PDHA2: variants seen among roughly 807,000 people sequenced by gnomAD.
PDHA2 encodes the protein pyruvate dehydrogenase E1 component subunit alpha, testis-specific form, mitochondrial.
For missense variants in PDHA2, 533 were observed against 495.8 expected, an observed-to-expected ratio of 1.07 and a Z score of -0.71; for synonymous variants, 188 against 185.9, an observed-to-expected ratio of 1.01 and a Z score of -0.09.
At position 95,841,207 on chromosome 4, in the gene PDHA2, ACT is replaced by A. The variant is rs757275705; in HGVS notation, c.1058_1059del (p.Thr353ArgfsTer3). On this transcript the variant is annotated frameshift_variant, in exon 1 of 1. Coordinates refer to ENST00000295266, the MANE Select transcript of PDHA2 (RefSeq NM_005390.5). LOFTEE classifies it low-confidence loss of function (END_TRUNC). The part of the protein sequence containing the change: ...EIDDAAQFAT[T>X]DPEPHLEELG... ...TGATGATGCTGCCCAGTTTGCTACC[ACT>A]GATCCTGAGCCACATTTGGAAGAAT... 12 of 1,614,066 alleles carry A rather than the reference ACT, an allele frequency of 7.4e-6. No individual in the cohort carries two copies. Among genetic ancestry groups the A allele is most frequent in the Admixed American group, 1.7e-5 (1 of 60,002 alleles).
Position 95,840,364 on chromosome 4 carries a change from A to T in PDHA2, c.214A>T (p.Met72Leu), listed in dbSNP as rs201956422. 7 of 1,614,216 alleles carry T rather than the reference A, an allele frequency of 4.3e-6. No homozygotes were observed. The highest frequency in any genetic ancestry group is 4.0e-5 in the African/African-American group (3 of 75,050). The change falls in exon 1 of 1, where the codon ATG becomes TTG. Residue 72 changes from methionine (M) to leucine (L), a missense_variant. Transcript: ENST00000295266. Reference protein sequence around the residue: ...YYRMMLTVRRMELKADQLYKQ... With the variant: ...YYRMMLTVRRLELKADQLYKQ... ...CAGGATGATGCTGACTGTTCGCCGC[A>T]TGGAATTGAAGGCAGATCAGCTGTA... is the stretch of plus-strand genomic sequence containing the variant.
chr4:95,840,181 A>G lies in PDHA2; in HGVS notation c.31A>G (p.Arg11Gly), dbSNP rs1308763690. ...GGCCGCCTTCATCTCCCGCGTGTTG[A>G]GGCGAGTTGCCCAGAAATCAGCTCG... MLAAFISRVL[R>G]RVAQKSARRV... Residue 11 changes from arginine to glycine, a missense_variant, in exon 1 of 1, where the codon AGG becomes GGG. By Grantham distance (125) the Arg-to-Gly change is moderately radical. Coordinates refer to ENST00000295266, the MANE Select transcript of PDHA2 (RefSeq NM_005390.5). 1.2e-6 allele frequency: 2 copies of G among 1,613,614 alleles called. No individual in the cohort carries two copies. Among genetic ancestry groups the G allele is most frequent in the Non-Finnish European group, 8.5e-7 (1 of 1,179,790 alleles).
chr4:95,840,227 G>A lies in PDHA2; in HGVS notation c.77G>A (p.Arg26His), dbSNP rs1376256859. Residue 26 changes from arginine (R) to histidine (H), a missense_variant, in exon 1 of 1, where the codon CGT becomes CAT. By Grantham distance (29) the Arg-to-His change is conservative. Coordinates refer to ENST00000295266, the MANE Select transcript of PDHA2 (RefSeq NM_005390.5). ...GCTCGCAGAGTGCTGGTGGCATCCC[G>A]TAACTCCTCAAATGACGCTACATTT... ...KSARRVLVAS[R>H]NSSNDATFEI... 5 of 1,614,080 alleles carry A rather than the reference G, an allele frequency of 3.1e-6. No individual in the cohort carries two copies. The African/African-American group carries it at 4.0e-5, about 13-fold the overall frequency.
Position 95,840,811 on chromosome 4 carries a change from G to A in PDHA2, c.661G>A (p.Glu221Lys). 1 of 1,614,156 alleles carries A rather than the reference G, an allele frequency of 6.2e-7. No homozygotes were observed. The highest frequency in any genetic ancestry group is 1.1e-5 in the South Asian group (1 of 91,086). The change falls in exon 1 of 1, where the codon GAG becomes AAG. Residue 221 changes from glutamate (E) to lysine (K), a missense_variant. Transcript: ENST00000295266. Reference sequence around the variant, plus strand: ...GAAATTACCTTGTGTTTTCATCTGTGAGAATAACCTATATGGAATGGGAAC... The same window carrying A: ...GAAATTACCTTGTGTTTTCATCTGTAAGAATAACCTATATGGAATGGGAAC... ...LWKLPCVFIC[E>K]NNLYGMGTST...
chr4:95,840,678 T>C lies in PDHA2; in HGVS notation c.528T>C (p.Ala176=). ...AGGGCCCCCTGGGCGCTGGCATTGC[T>C]CTGGCCTGTAAATATAAAGGAAACG... ...GAQGPLGAGI[A]LACKYKGNDE... Residue 176 remains alanine, a synonymous_variant, in exon 1 of 1, where the codon GCT becomes GCC. Transcript: ENST00000295266. 1 of 1,614,214 alleles carries C rather than the reference T, an allele frequency of 6.2e-7. No individual in the cohort carries two copies. Among genetic ancestry groups the C allele is most frequent in the Non-Finnish European group, 8.5e-7 (1 of 1,180,040 alleles).
In PDHA2 at chr4:95,840,249, A is replaced by G. The variant is rs779577606; in HGVS notation, c.99A>G (p.Thr33=). 1.9e-6 allele frequency: 3 copies of G among 1,614,214 alleles called. No individual in the cohort carries two copies. Among genetic ancestry groups the G allele is most frequent in the Non-Finnish European group, 2.5e-6 (3 of 1,180,058 alleles). The change falls in exon 1 of 1, where the codon ACA becomes ACG. Residue 33 remains threonine, a synonymous_variant. Transcript: ENST00000295266. ...VASRNSSNDA[T]FEIKKCDLYL... ...CCCGTAACTCCTCAAATGACGCTACATTTGAAATTAAGAAATGTGATCTTT... is the reference window on the plus strand; with the variant it reads ...CCCGTAACTCCTCAAATGACGCTACGTTTGAAATTAAGAAATGTGATCTTT...
Position 95,841,026 on chromosome 4 carries a change from G to A in PDHA2, c.876G>A (p.Met292Ile). Reference sequence around the variant, plus strand: ...CCTACCGTTATCATGGACACAGTATGAGTGATCCTGGAGTCAGTTATCGTA... The same window carrying A: ...CCTACCGTTATCATGGACACAGTATAAGTGATCCTGGAGTCAGTTATCGTA... Reference protein sequence around the residue: ...LQTYRYHGHSMSDPGVSYRTR... With the variant: ...LQTYRYHGHSISDPGVSYRTR... The change falls in exon 1 of 1, where the codon ATG becomes ATA. Residue 292 changes from methionine to isoleucine, a missense_variant. Physicochemically the swap from Met to Ile is conservative, Grantham distance 10 (BLOSUM62 1). Coordinates refer to ENST00000295266, the MANE Select transcript of PDHA2 (RefSeq NM_005390.5). 1 of 1,614,152 alleles carries A rather than the reference G, an allele frequency of 6.2e-7. No homozygotes were observed. The highest frequency in any genetic ancestry group is 8.5e-7 in the Non-Finnish European group (1 of 1,180,038).
Position 95,840,656 on chromosome 4 carries a change from G to T in PDHA2, c.506G>T (p.Gly169Val), listed in dbSNP as rs369861495. 7.4e-6 allele frequency: 12 copies of T among 1,614,066 alleles called. No homozygotes were observed. The African/African-American group carries it at 1.3e-4, about 18-fold the overall frequency. Residue 169 changes from glycine to valine, a missense_variant, in exon 1 of 1, where the codon GGC (glycine) becomes GTC (valine). By Grantham distance (109) the Gly-to-Val change is moderately radical. Coordinates refer to ENST00000295266, the MANE Select transcript of PDHA2 (RefSeq NM_005390.5). ...YGGNGIVGAQGPLGAGIALAC... is the reference protein window; with the variant it reads ...YGGNGIVGAQVPLGAGIALAC... ...GGCAATGGCATCGTCGGTGCACAGG[G>T]CCCCCTGGGCGCTGGCATTGCTCTG...
At position 95,840,897 on chromosome 4, in the gene PDHA2, G is replaced by T; in HGVS notation, c.747G>T (p.Gly249=). The T allele has an allele frequency of 6.2e-7, 1 of 1,614,102 alleles. No homozygotes were observed. Among genetic ancestry groups the T allele is most frequent in the Non-Finnish European group, 8.5e-7 (1 of 1,180,016 alleles). The change falls in exon 1 of 1, where the codon GGG becomes GGT. Residue 249 remains glycine, a synonymous_variant. Coordinates refer to ENST00000295266, the MANE Select transcript of PDHA2 (RefSeq NM_005390.5). ...ACAAGAGGGGCAATTTTATCCCTGG[G>T]CTAAAGGTCGATGGAATGGATGTTC... The part of the protein sequence containing the change: ...DYYKRGNFIP[G]LKVDGMDVLC...
Position 95,840,379 on chromosome 4 carries a change from G to C in PDHA2, c.229G>C (p.Asp77His). The change falls in exon 1 of 1, where the codon GAT becomes CAT. Residue 77 changes from aspartate to histidine, a missense_variant. Coordinates refer to ENST00000295266, the MANE Select transcript of PDHA2 (RefSeq NM_005390.5). Reference sequence around the variant, plus strand: ...TGTTCGCCGCATGGAATTGAAGGCAGATCAGCTGTACAAACAGAAATTCAT... The same window carrying C: ...TGTTCGCCGCATGGAATTGAAGGCACATCAGCTGTACAAACAGAAATTCAT... The part of the protein sequence containing the change: ...LTVRRMELKA[D>H]QLYKQKFIRG... The C allele has an allele frequency of 2.5e-6, 4 of 1,614,260 alleles. No individual in the cohort carries two copies. Among genetic ancestry groups the C allele is most frequent in the Non-Finnish European group, 3.4e-6 (4 of 1,180,050 alleles).
chr4:95,841,159 G>A lies in PDHA2; in HGVS notation c.1009G>A (p.Gly337Arg). ...LATVEELKEI[G>R]AEVRKEIDDA... The stretch of plus-strand genomic sequence containing the variant: ...CACTGTGGAAGAATTAAAGGAAATT[G>A]GGGCTGAGGTGAGGAAAGAAATTGA... Residue 337 changes from glycine (G) to arginine (R), a missense_variant, in exon 1 of 1, where the codon GGG becomes AGG. Transcript: ENST00000295266. 2 of 1,614,092 alleles carry A rather than the reference G, an allele frequency of 1.2e-6. No individual in the cohort carries two copies. The highest frequency in any genetic ancestry group is 2.7e-5 in the African/African-American group (2 of 75,014).
chr4:95,840,108 C>G lies in PDHA2; in HGVS notation c.-43C>G, dbSNP rs766398474. The G allele has an allele frequency of 2.0e-6, 3 of 1,520,038 alleles. No homozygotes were observed. In the East Asian group the frequency reaches 6.9e-5, roughly 35 times the overall value. 94.2% of individuals were successfully genotyped at this position (1,520,038 alleles called of 1,614,324 possible). A position where few individuals can be genotyped will look rare whatever the true frequency, so the allele number is the denominator to read the frequency against. ...AGCCGAGGCCAGGCCTTCCGGCGGT[C>G]GTTACGGGACGCCGCTGCCATCTAC... On this transcript the variant is annotated 5_prime_UTR_variant, in exon 1 of 1. Transcript: ENST00000295266.
At position 95,841,376 on chromosome 4, in the gene PDHA2, T is replaced by A; in HGVS notation, c.*59T>A. 2 of 1,333,576 alleles carry A rather than the reference T, an allele frequency of 1.5e-6. No homozygotes were observed. The highest frequency in any genetic ancestry group is 2.1e-6 in the Non-Finnish European group (2 of 939,670). The allele number at this position is 1,333,576 out of a possible 1,614,324, so 82.6% of individuals were successfully genotyped here. A position where few individuals can be genotyped will look rare whatever the true frequency, so the allele number is the denominator to read the frequency against. On this transcript the variant is annotated 3_prime_UTR_variant, in exon 1 of 1. Transcript: ENST00000295266. ...TCAATGGAATGTTCATGGTCAAATT[T>A]AAGAAACTGTGTTCTCAACTCAAGG...
rs771142585 is a variant in PDHA2 at position 95,840,172 on chromosome 4, CGCGTGTTGAG to C, written c.26_35del (p.Val9GlufsTer54). On this transcript the variant is annotated frameshift_variant, in exon 1 of 1. Coordinates refer to ENST00000295266, the MANE Select transcript of PDHA2 (RefSeq NM_005390.5). LOFTEE classifies it low-confidence loss of function (END_TRUNC). ...GAATATGCTGGCCGCCTTCATCTCC[CGCGTGTTGAG>C]GCGAGTTGCCCAGAAATCAGCTCGC... 6.2e-7 allele frequency: 1 copy of C among 1,612,314 alleles called. No individual in the cohort carries two copies. The highest frequency in any genetic ancestry group is 2.2e-5 in the East Asian group (1 of 44,870).
chr4:95,840,971 G>T lies in PDHA2; in HGVS notation c.821G>T (p.Gly274Val), dbSNP rs766398355. The T allele has an allele frequency of 6.2e-7, 1 of 1,614,092 alleles. No individual in the cohort carries two copies. The highest frequency in any genetic ancestry group is 8.5e-7 in the Non-Finnish European group (1 of 1,180,030). The change falls in exon 1 of 1, where the codon GGA (glycine) becomes GTA (valine). Residue 274 changes from glycine (G) to valine (V), a missense_variant. By Grantham distance (109) the Gly-to-Val change is moderately radical. Coordinates refer to ENST00000295266, the MANE Select transcript of PDHA2 (RefSeq NM_005390.5). ...TTTGCAGCTAACTACTGTAGATCTGGAAAGGGGCCCATACTGATGGAGCTG... is the reference window on the plus strand; with the variant it reads ...TTTGCAGCTAACTACTGTAGATCTGTAAAGGGGCCCATACTGATGGAGCTG... ...TKFAANYCRS[G>V]KGPILMELQT...
Position 95,840,969 on chromosome 4 carries a change from T to C in PDHA2, c.819T>C (p.Ser273=). 6.2e-7 allele frequency: 1 copy of C among 1,614,072 alleles called. No individual in the cohort carries two copies. Among genetic ancestry groups the C allele is most frequent in the South Asian group, 1.1e-5 (1 of 91,086 alleles). The change falls in exon 1 of 1, where the codon TCT becomes TCC. Residue 273 remains serine (S), a synonymous_variant. Transcript: ENST00000295266. ...ATKFAANYCR[S]GKGPILMELQ... is the part of the protein sequence containing the mutation. Reference sequence around the variant, plus strand: ...AATTTGCAGCTAACTACTGTAGATCTGGAAAGGGGCCCATACTGATGGAGC... The same window carrying C: ...AATTTGCAGCTAACTACTGTAGATCCGGAAAGGGGCCCATACTGATGGAGC...
At position 95,840,861 on chromosome 4, in the gene PDHA2, C is replaced by G. The variant is rs144813590; in HGVS notation, c.711C>G (p.Ser237Arg). The G allele has an allele frequency of 2.5e-5, 41 of 1,613,936 alleles. No homozygotes were observed. The East Asian group carries it at 9.1e-4, about 36-fold the overall frequency. ...MGTSTERAAA[S>R]PDYYKRGNFI... ...CATCTACTGAGAGAGCAGCAGCCAG[C>G]CCTGATTACTACAAGAGGGGCAATT... The change falls in exon 1 of 1, where the codon AGC becomes AGG. Residue 237 changes from serine to arginine, a missense_variant. Ser to Arg is a moderately radical substitution (Grantham distance 110, BLOSUM62 -1). Coordinates refer to ENST00000295266, the MANE Select transcript of PDHA2 (RefSeq NM_005390.5).
Position 95,840,294 on chromosome 4 carries a change from C to A in PDHA2, c.144C>A (p.Pro48=). Residue 48 remains proline (P), a synonymous_variant, in exon 1 of 1, where the codon CCC becomes CCA. Coordinates refer to ENST00000295266, the MANE Select transcript of PDHA2 (RefSeq NM_005390.5). ...KCDLYLLEEG[P]PVTTVLTRAE... is the part of the protein sequence containing the mutation. ...ATCTTTATCTGTTGGAAGAGGGTCCCCCTGTCACTACAGTGCTCACTAGGG... is the reference window on the plus strand; with the variant it reads ...ATCTTTATCTGTTGGAAGAGGGTCCACCTGTCACTACAGTGCTCACTAGGG... 6.2e-7 allele frequency: 1 copy of A among 1,614,196 alleles called. No homozygotes were observed. The highest frequency in any genetic ancestry group is 8.5e-7 in the Non-Finnish European group (1 of 1,180,044).
rs757735456 is a variant in PDHA2 at position 95,840,462 on chromosome 4, C to A, written c.312C>A (p.Ala104=). The A allele has an allele frequency of 2.4e-5, 39 of 1,614,020 alleles. No individual in the cohort carries two copies. The South Asian group carries it at 2.7e-4, about 11-fold the overall frequency. The stretch of plus-strand genomic sequence containing the variant: ...AAGCTTGTTGCGTGGGCCTTGAGGC[C>A]GGCATAAACCCCTCGGATCACGTCA... ...GQEACCVGLE[A]GINPSDHVIT... The change falls in exon 1 of 1, where the codon GCC becomes GCA. Residue 104 remains alanine, a synonymous_variant. Transcript: ENST00000295266.
Sources: gnomAD v4.1 joint callset for allele counts on GRCh38, gnomAD v4.1.1 for gene constraint, MANE v1.5 for transcripts, NCBI Gene and HGNC (gene_info 2026-07-23, HGNC 2026-07-21) for gene names.